DENND2C: variants seen among roughly 807,000 people sequenced by gnomAD.
The protein encoded by DENND2C is DENN domain-containing protein 2C.
Under a neutral mutation model 112.4 loss-of-function variants are expected in DENND2C, and 72 were observed. That is an observed-to-expected ratio of 0.64 (90% CI 0.53 to 0.78). The LOEUF is 0.78. DENND2C is among the 30% of genes least tolerant of loss of function. The pLI, the probability that DENND2C is intolerant of heterozygous loss-of-function variation, is 0.00. For synonymous variants in DENND2C, 329 were observed against 381.6 expected (o/e 0.86, Z 1.61); for missense variants, 992 against 1,113.8 (o/e 0.89, Z 1.56).
chr1:114,631,703 A>G (rs1037242433), intron 3 of DENND2C, among the ~76,000 whole-genome samples: 1 of 152,176 alleles, frequency 6.6e-6, no homozygotes, highest in East Asian at 1.9e-4. Context: ...AATGGCCAGA[A>G]CATGGGAGGC....
At chr1:114,648,535 G>T (rs1478055993) in intron 2 of DENND2C, among the ~76,000 whole-genome samples, 1 of 152,186 alleles carries the variant, frequency 6.6e-6, no homozygotes, top group Non-Finnish European at 1.5e-5. Flanking sequence ...TAAATTGTGA[G>T]GATTACAAGG....
intron 1 of DENND2C, among the ~76,000 whole-genome samples, chr1:114,665,779 A>G (rs1207366276): frequency 6.6e-6 from 1 of 152,248 alleles, no homozygotes; most frequent in Non-Finnish European, 1.5e-5. Flanking sequence ...CAAAATTAGC[A>G]TAGATAAATA....
At chr1:114,630,682 T>C (rs1158844373) in intron 3 of DENND2C, among the ~76,000 whole-genome samples, 1 of 152,150 alleles carries the variant, frequency 6.6e-6, no homozygotes, top group East Asian at 1.9e-4. Context: ...GAGAGCAACA[T>C]AGAGAAAAAG....
chr1:114,609,416 A>G (rs1288516021), intron 9 of DENND2C, among the ~76,000 whole-genome samples: 2 of 152,230 alleles, frequency 1.3e-5, no homozygotes, highest in African/African-American at 2.4e-5. Flanking sequence ...ACATATTACT[A>G]ACAATGAATA....
chr1:114,590,741 T>C (rs1455489432), intron 18 of DENND2C, among the ~76,000 whole-genome samples: 2 of 138,086 alleles, frequency 1.4e-5, no homozygotes, highest in Admixed American at 7.9e-5. Context: ...ATTGCGCCAC[T>C]GCACTCCAGC....
intron 3 of DENND2C, among the ~76,000 whole-genome samples, chr1:114,631,227 T>TTAAC (rs1243315372): frequency 2.6e-5 from 4 of 151,234 alleles, no homozygotes; most frequent in African/African-American, 9.7e-5. Flanking sequence ...AATACAAAAA[T>TTAAC]CAGCTGAATG....
intron 11 of DENND2C, 118 bp downstream of exon 11, chr1:114,604,804 A>T: frequency 2.8e-6 from 2 of 710,848 alleles, no homozygotes; most frequent in Non-Finnish European, 4.8e-6. Flanking sequence ...CTCCTACCAC[A>T]TCCTTGACTT....
rs141090887 is a variant in DENND2C at position 114,625,859 on chromosome 1, A to T, written c.126T>A (p.Cys42Ter). ...TATATCTCACTCCAAAGTCCTTTGGACACCACTTTTCTGGATTAGATATAC... is the reference window on the plus strand; with the variant it reads ...TATATCTCACTCCAAAGTCCTTTGGTCACCACTTTTCTGGATTAGATATAC... ...ANGISNPEKW[C>*]PKDFGVRYNC... The change falls in exon 4 of 21, where the codon TGT becomes TGA. Residue 42 changes from cysteine (C) to a stop codon, truncating the protein, a stop_gained. Coordinates refer to ENST00000393274, the MANE Select transcript of DENND2C (RefSeq NM_001256404.2). LOFTEE classifies it high-confidence loss of function. 1.2e-6 allele frequency: 2 copies of T among 1,614,054 alleles called. No individual in the cohort carries two copies. Among genetic ancestry groups the T allele is most frequent in the Admixed American group, 1.7e-5 (1 of 60,030 alleles).
intron 1 of DENND2C, among the ~76,000 whole-genome samples, chr1:114,664,616 A>T (rs1001351843): frequency 4.0e-5 from 6 of 151,598 alleles, no homozygotes; most frequent in Non-Finnish European, 8.8e-5. Context: ...AGGAGCTGGG[A>T]CTACAGACAC....
Position 114,594,566 on chromosome 1 carries a change from C to T in DENND2C, c.2338G>A (p.Asp780Asn), listed in dbSNP as rs1294148890. Residue 780 changes from aspartate to asparagine, a missense_variant, in exon 18 of 21, where the codon GAT (aspartate) becomes AAT (asparagine). Asp to Asn is a conservative substitution (Grantham distance 23). Coordinates refer to ENST00000393274, the MANE Select transcript of DENND2C (RefSeq NM_001256404.2). ...TGAAGTTTTGGTGGTAGAATTTCAT[C>T]CTCATCAGATACCTTAAGAAGAAAA... ...DKFLQEVSDEDEILPPKLQAA... is the reference protein window; with the variant it reads ...DKFLQEVSDENEILPPKLQAA... The T allele has an allele frequency of 1.9e-6, 3 of 1,613,416 alleles. No individual in the cohort carries two copies. The highest frequency in any genetic ancestry group is 1.7e-6 in the Non-Finnish European group (2 of 1,179,800).
At chr1:114,650,970 G>A (rs1206834609) in intron 2 of DENND2C, among the ~76,000 whole-genome samples, 1 of 151,420 alleles carries the variant, frequency 6.6e-6, no homozygotes, top group East Asian at 2.0e-4. Flanking sequence ...TTAGCTGGGT[G>A]TGGTGGCAAG....
intron 8 of DENND2C, among the ~76,000 whole-genome samples, chr1:114,614,704 G>C (rs1451922076): frequency 6.6e-6 from 1 of 152,090 alleles, no homozygotes; most frequent in East Asian, 1.9e-4. Context: ...AATAAATTAA[G>C]GGCTTGGTAA....
At position 114,625,532 on chromosome 1, in the gene DENND2C, C is replaced by T; in HGVS notation, c.453G>A (p.Lys151=). The T allele has an allele frequency of 1.2e-6, 2 of 1,614,076 alleles. No individual in the cohort carries two copies. Among genetic ancestry groups the T allele is most frequent in the South Asian group, 2.2e-5 (2 of 91,078 alleles). ...TATCTGGGGGAAGTGCTTCTATTTT[C>T]TTCCACAGTATTTGTGAGGTATAGA... ...GNFYTSQILW[K]KIEALPPDKL... Residue 151 remains lysine, a synonymous_variant, in exon 4 of 21, where the codon AAG becomes AAA. Transcript: ENST00000393274.
intron 15 of DENND2C, 37 bp from the exon 16 acceptor site, chr1:114,599,488 A>T: frequency 6.6e-7 from 1 of 1,507,180 alleles, no homozygotes; most frequent in South Asian, 1.4e-5. Context: ...TCATATATAG[A>T]GTAACATAAG....
intron 3 of DENND2C, among the ~76,000 whole-genome samples, chr1:114,635,207 A>T (rs929480696): frequency 6.6e-6 from 1 of 152,122 alleles, no homozygotes; most frequent in African/African-American, 2.4e-5. Context: ...TGTGGTCTTC[A>T]ACATTCTATA....
intron 3 of DENND2C, among the ~76,000 whole-genome samples, chr1:114,642,596 T>A (rs1345414002): frequency 6.6e-6 from 1 of 152,156 alleles, no homozygotes; most frequent in African/African-American, 2.4e-5. Flanking sequence ...CAGGCATAGC[T>A]CTACTAACTT....
intron 18 of DENND2C, 86 bp from the exon 19 acceptor site, chr1:114,588,038 G>C: frequency 8.7e-7 from 1 of 1,150,506 alleles, no homozygotes; most frequent in Non-Finnish European, 1.2e-6. Context: ...TGGAAGTCGT[G>C]CCTAAGAAGT....
chr1:114,639,579 T>C (rs1409887217), intron 3 of DENND2C, among the ~76,000 whole-genome samples: 1 of 111,736 alleles, frequency 8.9e-6, no homozygotes, highest in East Asian at 2.7e-4. Flanking sequence ...GGAGACTCCA[T>C]CTTGAAAAAA....
chr1:114,650,919 C>T (rs1657141135), intron 2 of DENND2C, among the ~76,000 whole-genome samples: 1 of 151,998 alleles, frequency 6.6e-6, no homozygotes, highest in South Asian at 2.1e-4. Context: ...TTAAATACAT[C>T]TCGTATCCTT....
Sources: gnomAD v4.1 joint callset for allele counts (sites outside exome capture counted in the v4.1 genomes callset) on GRCh38, gnomAD v4.1.1 for gene constraint, MANE v1.5 for transcripts, NCBI Gene and HGNC (gene_info 2026-07-23, HGNC 2026-07-21) for gene names.